Variants in EXOSC10 observed in about 807,000 individuals in gnomAD.
EXOSC10 encodes exosome component 10, also known as exosome complex component 10.
Under a neutral mutation model 126.6 loss-of-function variants are expected in EXOSC10, and 94 were observed. The observed-to-expected ratio is 0.74, with a 90% confidence interval of 0.63 to 0.88. EXOSC10 has a LOEUF of 0.88. Among genes scored for constraint, EXOSC10 ranks in the 40% least tolerant of loss-of-function variants. The probability of loss-of-function intolerance (pLI) is 0.00; values close to 1 mark genes in which losing one functional copy is unlikely to be tolerated. For missense variants in EXOSC10, 1,041 were observed against 1,100.5 expected (o/e 0.95, Z 0.77); for synonymous variants, 395 against 400.8 (o/e 0.99, Z 0.17).
chr1:11,069,877 C>T lies in EXOSC10; in HGVS notation c.2317-147G>A, dbSNP rs1028072641. ...GGGAGAGGAGCTGTGGCTGGAACTT[C>T]GGGACCAACACTCAGGGTCAGCTGA... is the stretch of plus-strand genomic sequence containing the variant. On this transcript the variant is annotated intron_variant, in intron 21 of 24. Transcript: ENST00000376936. 1.2e-5 allele frequency: 10 copies of T among 819,752 alleles called. No homozygotes were observed. In the Admixed American group the frequency reaches 1.4e-4, roughly 11 times the overall value. The allele number at this position is 819,752 out of a possible 1,614,324, so 50.8% of individuals were successfully genotyped here. A position where few individuals can be genotyped will look rare whatever the true frequency, so the allele number is the denominator to read the frequency against.
intron 19 of EXOSC10, 51 bp from the exon 20 acceptor site, chr1:11,072,222 A>T: frequency 7.1e-7 from 1 of 1,400,260 alleles, no homozygotes; most frequent in Non-Finnish European, 1.0e-6. Flanking sequence ...TCAGCCACCT[A>T]AGTCTGTCTT....
chr1:11,069,466 G>T, intron 22 of EXOSC10, 93 bp downstream of exon 22: 1 of 1,361,530 alleles, frequency 7.3e-7, no homozygotes, highest in Non-Finnish European at 1.0e-6. Flanking sequence ...CCTTGTGCAG[G>T]ACTCACTTGG....
intron 10 of EXOSC10, among the ~76,000 whole-genome samples, chr1:11,081,696 C>T (rs1222694010): frequency 2.0e-5 from 3 of 152,170 alleles, no homozygotes; most frequent in Non-Finnish European, 4.4e-5. Flanking sequence ...GTAAGGGCTC[C>T]GTAACAGGGA....
At chr1:11,084,234 A>G (rs1166864127) in intron 9 of EXOSC10, among the ~76,000 whole-genome samples, 1 of 152,228 alleles carries the variant, frequency 6.6e-6, no homozygotes, top group Non-Finnish European at 1.5e-5. Context: ...ACTAGTTTAC[A>G]GTCCCACCAA....
chr1:11,087,884 T>C lies in EXOSC10; in HGVS notation c.861A>G (p.Pro287=), dbSNP rs144089648. 5.6e-5 allele frequency: 91 copies of C among 1,612,448 alleles called. No individual in the cohort carries two copies. In the African/African-American group the frequency reaches 9.2e-4, roughly 16 times the overall value. ...CATCCAGGGAGGATATGAAATGGCA[T>C]GGTGTCTCTTCTATAGGTCTGTATA... The part of the protein sequence containing the change: ...PQLYRPIEET[P]CHFISSLDEL... The change falls in exon 8 of 25, where the codon CCA becomes CCG. Residue 287 remains proline, a synonymous_variant. Transcript: ENST00000376936.
At chr1:11,087,973 A>C (rs1484336418) in intron 7 of EXOSC10, 63 bp from the exon 8 acceptor site, 3 of 1,284,816 alleles carry the variant, frequency 2.3e-6, no homozygotes, top group African/African-American at 3.0e-5. Context: ...GTAAAGTACA[A>C]AGTGAACTAC....
intron 9 of EXOSC10, among the ~76,000 whole-genome samples, chr1:11,087,130 G>A (rs1176682108): frequency 6.6e-6 from 1 of 152,164 alleles, no homozygotes; most frequent in Non-Finnish European, 1.5e-5. Context: ...GTCTGAAACT[G>A]TTATCAACCA....
intron 1 of EXOSC10, among the ~76,000 whole-genome samples, chr1:11,098,515 A>G (rs888562496): frequency 6.6e-6 from 1 of 152,242 alleles, no homozygotes; most frequent in Non-Finnish European, 1.5e-5. Flanking sequence ...GGAAAAATAA[A>G]AAGGGCCTGC....
chr1:11,072,908 G>C (rs7533211), intron 19 of EXOSC10: 86,231 of 152,004 alleles, frequency 0.57, 29,026 homozygotes, highest in East Asian at 0.74. Context: ...AGGGTCTAGG[G>C]GAGGTGTGCT....
At chr1:11,090,943 C>T (rs1640768399) in intron 5 of EXOSC10, 71 bp downstream of exon 5, 2 of 1,515,612 alleles carry the variant, frequency 1.3e-6, no homozygotes, top group East Asian at 2.3e-5. Flanking sequence ...GAAGAGAGAC[C>T]TGTACACCCT....
intron 5 of EXOSC10, 70 bp from the exon 6 acceptor site, chr1:11,090,738 C>G (rs1640759916): frequency 1.6e-6 from 2 of 1,215,400 alleles, no homozygotes; most frequent in African/African-American, 1.6e-5. Context: ...CAGGGGTAAA[C>G]TGGTTCCCTT....
At chr1:11,086,480 T>C (rs1480968871) in intron 9 of EXOSC10, among the ~76,000 whole-genome samples, 1 of 151,650 alleles carries the variant, frequency 6.6e-6, no homozygotes, top group Non-Finnish European at 1.5e-5. Context: ...CCCTTTATCA[T>C]TTTTTATTGC....
chr1:11,082,227 G>A (rs1259779186), intron 10 of EXOSC10, among the ~76,000 whole-genome samples: 9 of 152,148 alleles, frequency 5.9e-5, no homozygotes, highest in Non-Finnish European at 1.3e-4. Flanking sequence ...CCTGCAGGAA[G>A]TGGGGCAAAA....
chr1:11,070,468 G>A (rs1317949353), intron 21 of EXOSC10, among the ~76,000 whole-genome samples: 1 of 146,560 alleles, frequency 6.8e-6, no homozygotes, highest in African/African-American at 2.6e-5. Flanking sequence ...GCTGTAGTGA[G>A]CTGCAACTGT....
At chr1:11,081,715 T>TA (rs1640176562) in intron 10 of EXOSC10, among the ~76,000 whole-genome samples, 1 of 152,258 alleles carries the variant, frequency 6.6e-6, no homozygotes, top group East Asian at 1.9e-4. Context: ...GAGTGGTTTT[T>TA]AGATTTTATC....
At chr1:11,083,382 C>A (rs1257848083) in intron 9 of EXOSC10, among the ~76,000 whole-genome samples, 2 of 151,812 alleles carry the variant, frequency 1.3e-5, no homozygotes, top group Non-Finnish European at 2.9e-5. Context: ...ACCAACATGG[C>A]AAAACCCTGT....
chr1:11,074,712 C>T (rs1291710982), intron 17 of EXOSC10, among the ~76,000 whole-genome samples: 1 of 152,118 alleles, frequency 6.6e-6, no homozygotes, highest in Non-Finnish European at 1.5e-5. Flanking sequence ...CGCACGCACC[C>T]GGCCAGTAAC....
In EXOSC10 at chr1:11,084,577, C is replaced by T. The variant is rs534624603; in HGVS notation, c.1090-1699G>A. ...GATTTTCTCCCATTTTGTGGGTTGCCTGTTCACTCTGATGGTAGTTTCTTT... is the reference window on the plus strand; with the variant it reads ...GATTTTCTCCCATTTTGTGGGTTGCTTGTTCACTCTGATGGTAGTTTCTTT... On this transcript the variant is annotated intron_variant, in intron 9 of 24. Transcript: ENST00000376936. Among the ~76,000 whole-genome samples, 4 of 152,256 alleles carry T rather than the reference C, an allele frequency of 2.6e-5. No homozygotes were observed. In the South Asian group the frequency reaches 8.3e-4, roughly 32 times the overall value.
chr1:11,089,222 T>TAAAAA (rs533212430), intron 6 of EXOSC10, among the ~76,000 whole-genome samples: 4 of 49,706 alleles, frequency 8.0e-5, no homozygotes, highest in Non-Finnish European at 1.4e-4. Context: ...AGAGCAAAAC[T>TAAAAA]AAAAAAAAAA....
Sources: gnomAD v4.1 joint callset for allele counts (sites outside exome capture counted in the v4.1 genomes callset) on GRCh38, gnomAD v4.1.1 for gene constraint, MANE v1.5 for transcripts, NCBI Gene and HGNC (gene_info 2026-07-23, HGNC 2026-07-21) for gene names.